The following DOCK4 variants were observed in gnomAD, a reference collection of about 807,000 sequenced individuals.
The protein encoded by DOCK4 is dedicator of cytokinesis 4, also known as dedicator of cytokinesis protein 4.
Under a neutral mutation model 268.1 loss-of-function variants are expected in DOCK4, and 97 were observed. The ratio of observed to expected loss-of-function variants is 0.36; its 90% CI spans 0.31 to 0.43. DOCK4 has a LOEUF of 0.43. Ranked by LOEUF, DOCK4 falls within the 20% of genes least tolerant of loss-of-function variation. DOCK4 has a pLI of 1.00. For missense variants in DOCK4, 2,145 were observed against 2,455.7 expected (o/e 0.87, Z 2.67); for synonymous variants, 954 against 887.2 (o/e 1.08, Z -1.34).
At chr7:111,907,247 G>A (rs1292143396) in intron 13 of DOCK4, among the ~76,000 whole-genome samples, 1 of 152,056 alleles carries the variant, frequency 6.6e-6, no homozygotes, top group Non-Finnish European at 1.5e-5. Flanking sequence ...TTTTAAAAGA[G>A]TACTATGAGA....
chr7:111,826,748 G>T (rs1802426033), intron 26 of DOCK4, among the ~76,000 whole-genome samples: 1 of 152,018 alleles, frequency 6.6e-6, no homozygotes. Context: ...GAGGGAGAAA[G>T]AAAAGGGCTG....
chr7:111,885,744 G>A (rs1807787540), intron 16 of DOCK4, among the ~76,000 whole-genome samples: 1 of 152,192 alleles, frequency 6.6e-6, no homozygotes, highest in Non-Finnish European at 1.5e-5. Flanking sequence ...TTAGAGAGGA[G>A]AGAGATGAGA....
At chr7:111,954,760 G>C (rs185845196) in intron 8 of DOCK4, among the ~76,000 whole-genome samples, 1 of 152,022 alleles carries the variant, frequency 6.6e-6, no homozygotes, top group Non-Finnish European at 1.5e-5. Flanking sequence ...TTTAGGCCTC[G>C]GCCTGTCTGC....
chr7:111,983,858 G>GCACACA (rs1300676029), intron 7 of DOCK4, among the ~76,000 whole-genome samples: 20 of 90,020 alleles, frequency 2.2e-4, no homozygotes, highest in South Asian at 4.2e-4. Flanking sequence ...GCGCGCGCGC[G>GCACACA]CGCGCACACA....
intron 1 of DOCK4, among the ~76,000 whole-genome samples, chr7:112,064,920 G>A (rs916014631): frequency 3.9e-5 from 6 of 152,158 alleles, no homozygotes; most frequent in South Asian, 4.1e-4. Context: ...ATTGGTAAGC[G>A]CATCAGAGAG....
chr7:112,162,222 C>T lies in DOCK4; in HGVS notation c.37+43880G>A, dbSNP rs147672662. 2.3e-3 allele frequency among the ~76,000 whole-genome samples: 353 copies of T among 152,248 alleles called. 2 individuals carry two copies. The highest frequency in any genetic ancestry group is 7.8e-3 in the African/African-American group (325 of 41,550). ...GGTTTCCTGAATAACAAACACTCTG[C>T]CATTCATTTGCCTGGAGTGGAAGTG... On this transcript the variant is annotated intron_variant, in intron 1 of 52. Coordinates refer to ENST00000428084, the MANE Select transcript of DOCK4 (RefSeq NM_001363540.2).
chr7:111,787,391 T>TAC (rs1355423057), intron 32 of DOCK4, among the ~76,000 whole-genome samples: 1 of 152,154 alleles, frequency 6.6e-6, no homozygotes, highest in Non-Finnish European at 1.5e-5. Flanking sequence ...TGAAGCTGTG[T>TAC]ACACTAGAAT....
chr7:111,832,290 T>G (rs1802882829), intron 26 of DOCK4, among the ~76,000 whole-genome samples: 1 of 152,178 alleles, frequency 6.6e-6, no homozygotes, highest in African/African-American at 2.4e-5. Context: ...GAGTCTGGGT[T>G]GGCAGCACCT....
chr7:112,177,604 C>G (rs932350460), intron 1 of DOCK4, among the ~76,000 whole-genome samples: 3 of 152,180 alleles, frequency 2.0e-5, no homozygotes, highest in Non-Finnish European at 4.4e-5. Flanking sequence ...AGAGAAACTG[C>G]CTCAACTGTG....
intron 12 of DOCK4, among the ~76,000 whole-genome samples, chr7:111,927,348 T>C (rs1037795478): frequency 6.6e-6 from 1 of 152,228 alleles, no homozygotes; most frequent in African/African-American, 2.4e-5. Flanking sequence ...GAACATAAGA[T>C]TGAAGCAATA....
chr7:111,983,862 G>GCGCGCGCGCGCACA, intron 7 of DOCK4, among the ~76,000 whole-genome samples: 5 of 138,558 alleles, frequency 3.6e-5, no homozygotes, highest in African/African-American at 1.4e-4. Flanking sequence ...GCGCGCGCGC[G>GCGCGCGCGCGCACA]CACACACACA....
chr7:112,006,875 G>A (rs1484455544), intron 1 of DOCK4, among the ~76,000 whole-genome samples: 2 of 152,140 alleles, frequency 1.3e-5, no homozygotes, highest in African/African-American at 4.8e-5. Flanking sequence ...ACTGCTCTCC[G>A]ACTTTTCTAG....
intron 6 of DOCK4, among the ~76,000 whole-genome samples, chr7:111,987,870 C>A (rs1799173694): frequency 6.6e-6 from 1 of 152,162 alleles, no homozygotes; most frequent in Admixed American, 6.5e-5. Context: ...ATGAATTGGG[C>A]TCTTCTATTC....
chr7:111,916,282 T>TAAAAC (rs764190073), intron 12 of DOCK4, among the ~76,000 whole-genome samples: 22 of 152,126 alleles, frequency 1.4e-4, no homozygotes, highest in South Asian at 8.3e-4. Context: ...ATGGGAGGTT[T>TAAAAC]AAAACAAAAC....
intron 4 of DOCK4, among the ~76,000 whole-genome samples, chr7:111,998,180 CCTT>C (rs1800118321): frequency 2.0e-5 from 3 of 152,282 alleles, no homozygotes; most frequent in Admixed American, 2.0e-4. Context: ...AGAACCAACT[CCTT>C]CTGCTCAAGC....
At chr7:112,030,503 T>A (rs762269637) in intron 1 of DOCK4, among the ~76,000 whole-genome samples, 13 of 152,224 alleles carry the variant, frequency 8.5e-5, no homozygotes, top group Non-Finnish European at 1.6e-4. Context: ...TTGGTGCAGC[T>A]TGCCTTTCAT....
chr7:112,026,759 C>T (rs1246073657), intron 1 of DOCK4, among the ~76,000 whole-genome samples: 1 of 152,128 alleles, frequency 6.6e-6, no homozygotes, highest in Admixed American at 6.5e-5. Context: ...GATTATATGG[C>T]CCCCAAAGCC....
At chr7:111,872,422 T>C (rs1418357332) in intron 18 of DOCK4, 45 bp downstream of exon 18, 2 of 1,536,312 alleles carry the variant, frequency 1.3e-6, no homozygotes, top group Middle Eastern at 1.7e-4. Context: ...ATGTTCTTTA[T>C]TCTATGAATC....
intron 1 of DOCK4, among the ~76,000 whole-genome samples, chr7:112,024,595 C>A (rs189017827): frequency 1.3e-5 from 2 of 152,256 alleles, no homozygotes; most frequent in African/African-American, 4.8e-5. Context: ...CCCCTTGCAC[C>A]AAAGCCAACC....
Sources: allele counts gnomAD v4.1 joint callset (sites outside exome capture counted in the v4.1 genomes callset), GRCh38; gene constraint gnomAD v4.1.1; transcripts MANE v1.5; gene names NCBI Gene and HGNC (gene_info 2026-07-23, HGNC 2026-07-21).